Variants in PPP2R5E observed in about 807,000 individuals in gnomAD.
The protein encoded by PPP2R5E is protein phosphatase 2 regulatory subunit B'epsilon, also known as serine/threonine-protein phosphatase 2A 56 kDa regulatory subunit epsilon isoform.
PPP2R5E carries 4 observed loss-of-function variants against 65.3 expected under a neutral mutation model. The observed-to-expected ratio is 0.06, with a 90% CI of 0.03 to 0.14. The LOEUF is 0.14. Among genes scored for constraint, PPP2R5E ranks in the 10% least tolerant of loss-of-function variants. The pLI is 1.00. For missense variants in PPP2R5E, 274 were observed against 556.1 expected, an observed-to-expected ratio of 0.49 and a Z score of 5.10; for synonymous variants, 183 against 187.4, an observed-to-expected ratio of 0.98 and a Z score of 0.19.
chr14:63,434,824 G>A (rs530720655), intron 3 of PPP2R5E, among the ~76,000 whole-genome samples: 39 of 152,138 alleles, frequency 2.6e-4, no homozygotes, highest in African/African-American at 6.7e-4. Flanking sequence ...TATACAATTT[G>A]TCAACAAGTC....
intron 2 of PPP2R5E, among the ~76,000 whole-genome samples, chr14:63,499,948 A>G (rs1891778153): frequency 6.6e-6 from 1 of 152,118 alleles, no homozygotes. Flanking sequence ...GTATTTCACA[A>G]TCCCTCTGCC....
At chr14:63,530,960 T>C (rs773039461) in intron 2 of PPP2R5E, among the ~76,000 whole-genome samples, 7 of 152,212 alleles carry the variant, frequency 4.6e-5, no homozygotes, top group South Asian at 2.1e-4. Context: ...TAATTTTACC[T>C]ATGCTACAGA....
intron 3 of PPP2R5E, among the ~76,000 whole-genome samples, chr14:63,448,528 C>T (rs541590421): frequency 7.4e-4 from 113 of 152,160 alleles, no homozygotes; most frequent in African/African-American, 2.6e-3. Flanking sequence ...CAGTGGCTCA[C>T]GCCTGTAATC....
At chr14:63,539,055 T>C (rs1308547934) in intron 2 of PPP2R5E, among the ~76,000 whole-genome samples, 1 of 152,180 alleles carries the variant, frequency 6.6e-6, no homozygotes, top group African/African-American at 2.4e-5. Context: ...CAAGAGTGCA[T>C]GTAAACAACT....
chr14:63,469,875 G>C (rs750951238), intron 2 of PPP2R5E, among the ~76,000 whole-genome samples: 1 of 152,092 alleles, frequency 6.6e-6, no homozygotes, highest in Non-Finnish European at 1.5e-5. Context: ...GAGAACCAAG[G>C]CTGCAAGATA....
rs1312944971 is a variant in PPP2R5E, at chr14:63,411,565, G to T, written c.549+3575C>A. Among the ~76,000 whole-genome samples, 5 of 150,288 alleles carry T rather than the reference G, an allele frequency of 3.3e-5. No individual in the cohort carries two copies. In the East Asian group the frequency reaches 9.8e-4, roughly 30 times the overall value. ...AGTGAGAGGTATCTGGATCATGGAG[G>T]TATGGAGGTGGGTCCCTCATGAATG... On this transcript the variant is annotated intron_variant, in intron 5 of 13. Coordinates refer to ENST00000337537, the MANE Select transcript of PPP2R5E (RefSeq NM_006246.5).
chr14:63,449,607 T>C (rs1057279838), intron 3 of PPP2R5E, among the ~76,000 whole-genome samples: 5 of 152,250 alleles, frequency 3.3e-5, no homozygotes, highest in African/African-American at 9.6e-5. Flanking sequence ...ACACGTTCTA[T>C]GGACTGTATA....
intron 2 of PPP2R5E, among the ~76,000 whole-genome samples, chr14:63,484,405 T>A (rs1890882244): frequency 2.7e-5 from 4 of 149,480 alleles, no homozygotes; most frequent in Admixed American, 2.0e-4. Flanking sequence ...GTATCAAGTG[T>A]AAAGAAGAAC....
chr14:63,537,559 G>A (rs192336594), intron 2 of PPP2R5E, among the ~76,000 whole-genome samples: 6 of 152,008 alleles, frequency 3.9e-5, no homozygotes, highest in Admixed American at 6.6e-5. Flanking sequence ...TATAAACATT[G>A]GAATCTTATT....
At chr14:63,455,807 T>C (rs944836686) in intron 2 of PPP2R5E, among the ~76,000 whole-genome samples, 3 of 152,076 alleles carry the variant, frequency 2.0e-5, no homozygotes, top group African/African-American at 7.2e-5. Context: ...GGAATACTGA[T>C]GCTGCAAAGG....
chr14:63,506,577 T>C (rs1892193827), intron 2 of PPP2R5E, among the ~76,000 whole-genome samples: 1 of 152,156 alleles, frequency 6.6e-6, no homozygotes, highest in South Asian at 2.1e-4. Context: ...ATGTTCAACA[T>C]CATCAGCCAT....
chr14:63,479,327 G>T (rs78321780), intron 2 of PPP2R5E: 1 of 152,062 alleles, frequency 6.6e-6, no homozygotes, highest in Non-Finnish European at 1.5e-5. Flanking sequence ...TCTCCTCAGC[G>T]AAGACTGGAG....
intron 2 of PPP2R5E, among the ~76,000 whole-genome samples, chr14:63,468,149 G>A (rs1889933120): frequency 1.3e-5 from 2 of 152,326 alleles, no homozygotes; most frequent in Admixed American, 6.5e-5. Context: ...TTTACAAAAT[G>A]AGCCTAAAAA....
Position 63,446,055 on chromosome 14 carries a change from C to T in PPP2R5E, c.354+7634G>A, listed in dbSNP as rs565150002. Among the ~76,000 whole-genome samples, 5 of 152,334 alleles carry T rather than the reference C, an allele frequency of 3.3e-5. No individual in the cohort carries two copies. The East Asian group carries it at 7.7e-4, about 23-fold the overall frequency. ...CCTTTGTTGTCATTTCAACAATGTT[C>T]ACAACATTTTCAGGAGTTGATTCCC... On this transcript the variant is annotated intron_variant, in intron 3 of 13. Transcript: ENST00000337537.
intron 2 of PPP2R5E, among the ~76,000 whole-genome samples, chr14:63,531,333 T>C (rs1393584832): frequency 6.6e-6 from 1 of 150,540 alleles, no homozygotes; most frequent in East Asian, 2.0e-4. Context: ...CCCCTTCCAG[T>C]GTCCATGTGT....
intron 2 of PPP2R5E, among the ~76,000 whole-genome samples, chr14:63,520,315 G>A (rs943004478): frequency 2.0e-5 from 3 of 152,188 alleles, no homozygotes; most frequent in Non-Finnish European, 4.4e-5. Flanking sequence ...GATTACAGGT[G>A]TGAGCCACCG....
chr14:63,419,061 G>C (rs1886863574), intron 4 of PPP2R5E, among the ~76,000 whole-genome samples: 1 of 152,118 alleles, frequency 6.6e-6, no homozygotes, highest in Non-Finnish European at 1.5e-5. Context: ...TAGCCAGGCT[G>C]CTCTCAAACT....
intron 2 of PPP2R5E, among the ~76,000 whole-genome samples, chr14:63,506,953 C>T (rs1379185537): frequency 6.6e-6 from 1 of 152,160 alleles, no homozygotes; most frequent in African/African-American, 2.4e-5. Flanking sequence ...TATTATTCAG[C>T]CACAAAAAGG....
chr14:63,445,280 C>A (rs1228677531), intron 3 of PPP2R5E, among the ~76,000 whole-genome samples: 2 of 152,174 alleles, frequency 1.3e-5, no homozygotes. Flanking sequence ...AAAGTAGTCA[C>A]ACACATTTTT....
Sources: gnomAD v4.1 joint callset for allele counts (sites outside exome capture counted in the v4.1 genomes callset) on GRCh38, gnomAD v4.1.1 for gene constraint, MANE v1.5 for transcripts, NCBI Gene and HGNC (gene_info 2026-07-23, HGNC 2026-07-21) for gene names.